GPR158: variants seen among roughly 807,000 people sequenced by gnomAD.
GPR158 encodes the protein metabotropic glycine receptor.
GPR158 carries 30 observed loss-of-function variants against 78.2 expected under a neutral mutation model. The ratio of observed to expected loss-of-function variants is 0.38; its 90% CI spans 0.29 to 0.52. GPR158 has a LOEUF of 0.52. Among genes scored for constraint, GPR158 ranks in the 20% least tolerant of loss-of-function variants. GPR158 has a pLI of 0.83. For missense variants in GPR158, 1,463 were observed against 1,523.5 expected, an observed-to-expected ratio of 0.96 and a Z score of 0.66; for synonymous variants, 581 against 591.1, an observed-to-expected ratio of 0.98 and a Z score of 0.25.
At chr10:25,565,744 TA>T (rs1417238881) in intron 6 of GPR158, among the ~76,000 whole-genome samples, 1 of 152,216 alleles carries the variant, frequency 6.6e-6, no homozygotes, top group Non-Finnish European at 1.5e-5. Flanking sequence ...ATTTCAGCTC[TA>T]ACTGTTAACG....
intron 2 of GPR158, among the ~76,000 whole-genome samples, chr10:25,372,833 A>C (rs903620696): frequency 4.4e-5 from 3 of 67,832 alleles, no homozygotes; most frequent in African/African-American, 1.8e-4. Context: ...CATTGTGCAC[A>C]TGTACCCTAA....
chr10:25,196,784 A>C (rs564886797), intron 1 of GPR158, among the ~76,000 whole-genome samples: 2 of 152,318 alleles, frequency 1.3e-5, no homozygotes, highest in Non-Finnish European at 1.5e-5. Flanking sequence ...TGCTTGGGAA[A>C]AAATGCCATC....
intron 1 of GPR158, among the ~76,000 whole-genome samples, chr10:25,198,002 G>C (rs1692762618): frequency 6.6e-6 from 1 of 152,110 alleles, no homozygotes; most frequent in African/African-American, 2.4e-5. Context: ...CCACAAAAAT[G>C]AGATGTTGGT....
intron 2 of GPR158, among the ~76,000 whole-genome samples, chr10:25,234,024 T>G (rs1443599309): frequency 6.6e-6 from 1 of 152,228 alleles, no homozygotes; most frequent in Non-Finnish European, 1.5e-5. Context: ...TTTATCAGTT[T>G]TAATATATTA....
chr10:25,564,195 G>T (rs1429774405), intron 6 of GPR158, among the ~76,000 whole-genome samples: 6 of 152,154 alleles, frequency 3.9e-5, no homozygotes, highest in Non-Finnish European at 1.5e-5. Context: ...CAGATGAACT[G>T]CATGTTTGTG....
chr10:25,358,818 CAG>C (rs1855588567), intron 2 of GPR158, among the ~76,000 whole-genome samples: 1 of 152,044 alleles, frequency 6.6e-6, no homozygotes, highest in Non-Finnish European at 1.5e-5. Flanking sequence ...CCATTTTAGT[CAG>C]AGAATATACT....
intron 2 of GPR158, among the ~76,000 whole-genome samples, chr10:25,223,091 C>A (rs990757811): frequency 2.6e-5 from 4 of 151,910 alleles, no homozygotes; most frequent in Non-Finnish European, 4.4e-5. Flanking sequence ...GATAAAATAT[C>A]CTCTATTCTG....
intron 1 of GPR158, among the ~76,000 whole-genome samples, chr10:25,181,853 G>A (rs1852614017): frequency 6.6e-6 from 1 of 152,004 alleles, no homozygotes; most frequent in African/African-American, 2.4e-5. Context: ...GGGTAGCCAG[G>A]ACTACAGGCC....
intron 3 of GPR158, among the ~76,000 whole-genome samples, chr10:25,406,929 C>T (rs1456623578): frequency 6.6e-6 from 1 of 152,050 alleles, no homozygotes; most frequent in Non-Finnish European, 1.5e-5. Context: ...CAACATTTTA[C>T]AAAACAATGT....
chr10:25,241,273 TTTC>T (rs763805241), intron 2 of GPR158, among the ~76,000 whole-genome samples: 22 of 94,896 alleles, frequency 2.3e-4, no homozygotes, highest in Non-Finnish European at 4.3e-4. Context: ...CTTTCTTTCC[TTTC>T]TTTCTTTCTT....
chr10:25,556,945 G>A (rs1836794282), intron 6 of GPR158, among the ~76,000 whole-genome samples: 1 of 152,150 alleles, frequency 6.6e-6, no homozygotes, highest in African/African-American at 2.4e-5. Context: ...CTCTTTTCCT[G>A]TTTATTAAAG....
intron 5 of GPR158, among the ~76,000 whole-genome samples, chr10:25,489,552 G>A (rs577388605): frequency 2.0e-5 from 3 of 152,230 alleles, no homozygotes; most frequent in East Asian, 1.9e-4. Context: ...TTTCACACTA[G>A]AATGCCTCTT....
At chr10:25,425,595 T>C (rs940377446) in intron 4 of GPR158, among the ~76,000 whole-genome samples, 5 of 151,998 alleles carry the variant, frequency 3.3e-5, no homozygotes, top group African/African-American at 4.8e-5. Context: ...AAAGAAATAA[T>C]TAGCAGAGTA....
chr10:25,514,296 T>C (rs1412652883), intron 5 of GPR158, among the ~76,000 whole-genome samples: 1 of 152,198 alleles, frequency 6.6e-6, no homozygotes, highest in African/African-American at 2.4e-5. Context: ...TTTTAAAGTT[T>C]GTTTTGTCAG....
chr10:25,537,671 C>T (rs905423969), intron 5 of GPR158, among the ~76,000 whole-genome samples: 1 of 152,210 alleles, frequency 6.6e-6, no homozygotes, highest in Non-Finnish European at 1.5e-5. Context: ...TGTCCCCGCC[C>T]AAATCTCATG....
Position 25,317,716 on chromosome 10 carries a change from G to GTTTTGTTTT in GPR158, c.1009-78191_1009-78190insGTTTTTTTT, listed in dbSNP as rs1554793351. 2.9e-3 allele frequency among the ~76,000 whole-genome samples: 387 copies of GTTTTGTTTT among 133,962 alleles called. 12 individuals are homozygous for GTTTTGTTTT. The highest frequency in any genetic ancestry group is 6.0e-3 in the African/African-American group (187 of 31,184). 87.9% of individuals were successfully genotyped at this position (133,962 alleles called of 152,430 possible). ...TTAAATTCTGTTTTCTTCGTAAAGT[G>GTTTTGTTTT]TTTTTTTTTGTTTTGTTTTGTTTTG... On this transcript the variant is annotated intron_variant, in intron 2 of 10. Transcript: ENST00000376351.
chr10:25,575,820 C>T (rs950159005), intron 7 of GPR158, among the ~76,000 whole-genome samples: 3 of 150,696 alleles, frequency 2.0e-5, no homozygotes, highest in Admixed American at 2.0e-4. Flanking sequence ...GGAGCCATAA[C>T]GTAGAAATGT....
intron 2 of GPR158, among the ~76,000 whole-genome samples, chr10:25,242,166 CCT>C (rs1371699940): frequency 6.6e-6 from 1 of 152,116 alleles, no homozygotes; most frequent in African/African-American, 2.4e-5. Context: ...CATAAAATGA[CCT>C]AGGCCACGCT....
At chr10:25,526,047 A>T (rs1051377528) in intron 5 of GPR158, among the ~76,000 whole-genome samples, 1 of 137,974 alleles carries the variant, frequency 7.2e-6, no homozygotes, top group African/African-American at 2.7e-5. Flanking sequence ...CAGAGGTTGT[A>T]GTGAGCCAAG....
Sources: allele counts gnomAD v4.1 joint callset (sites outside exome capture counted in the v4.1 genomes callset), GRCh38; gene constraint gnomAD v4.1.1; transcripts MANE v1.5; gene names NCBI Gene and HGNC (gene_info 2026-07-23, HGNC 2026-07-21).